Variants in MPG observed in about 807,000 individuals in gnomAD.
The protein encoded by MPG is DNA-3-methyladenine glycosylase.
Under a neutral mutation model 31.7 loss-of-function variants are expected in MPG, and 33 were observed. The observed-to-expected ratio is 1.04, with a 90% confidence interval of 0.79 to 1.39. MPG has a LOEUF of 1.39. Ranked by LOEUF, MPG falls within the 40% of genes most tolerant of loss-of-function variation. The pLI is 0.00. For synonymous variants in MPG, 202 were observed against 169.2 expected (o/e 1.19, Z -1.51); for missense variants, 455 against 415.5 (o/e 1.10, Z -0.83).
chr16:85,634 A>T lies in MPG; in HGVS notation c.739A>T (p.Ser247Cys). ...GCTGGAGCGTGGTCCCCTGGAGCCC[A>T]GTGAGCCGGCTGTAGTGGCAGCAGC... is the stretch of plus-strand genomic sequence containing the variant. ...VWLERGPLEP[S>C]EPAVVAAARV... The change falls in exon 4 of 4, where the codon AGT (serine) becomes TGT (cysteine). Residue 247 changes from serine (S) to cysteine (C), a missense_variant. Coordinates refer to ENST00000356432, the MANE Select transcript of MPG (RefSeq NM_001015052.3). The T allele has an allele frequency of 6.3e-7, 1 of 1,595,436 alleles. No homozygotes were observed. Among genetic ancestry groups the T allele is most frequent in the Non-Finnish European group, 8.6e-7 (1 of 1,166,634 alleles).
At chr16:83,452 C>T (rs781571124) in intron 3 of MPG, 196 bp downstream of exon 3, 45 of 556,588 alleles carry the variant, frequency 8.1e-5, no homozygotes, top group Middle Eastern at 3.8e-4. Flanking sequence ...TAGAAAGGGC[C>T]GGGTGGGGCC....
At chr16:80,786 G>A (rs1302529242) in intron 2 of MPG, among the ~76,000 whole-genome samples, 1 of 152,154 alleles carries the variant, frequency 6.6e-6, no homozygotes, top group African/African-American at 2.4e-5. Context: ...TCCGGCCTGG[G>A]CGACAGGGCG....
In MPG at chr16:78,349, G is replaced by T. The variant is rs1898148094; in HGVS notation, c.24+16G>T. Reference sequence around the variant, plus strand: ...CGGGGCCCAGGTGAGCGCGCGCCTCGGCCGCCCCGCGGAACAGACGCGCCC... The same window carrying T: ...CGGGGCCCAGGTGAGCGCGCGCCTCTGCCGCCCCGCGGAACAGACGCGCCC... On this transcript the variant is annotated intron_variant, in intron 1 of 3. Transcript: ENST00000356432. 8.1e-7 allele frequency: 1 copy of T among 1,237,228 alleles called. No homozygotes were observed. Among genetic ancestry groups the T allele is most frequent in the South Asian group, 3.1e-5 (1 of 32,600 alleles). The allele number at this position is 1,237,228 out of a possible 1,614,324, so 76.6% of individuals were successfully genotyped here.
upstream of MPG, among the ~76,000 whole-genome samples, chr16:77,628 T>C (rs2141880179): frequency 6.6e-6 from 1 of 152,320 alleles, no homozygotes; most frequent in Non-Finnish European, 1.5e-5. Context: ...GGGGCTCTGC[T>C]GCAGAGGCAG....
intron 2 of MPG, among the ~76,000 whole-genome samples, chr16:80,185 C>T (rs750554337): frequency 2.6e-5 from 4 of 152,246 alleles, no homozygotes; most frequent in Non-Finnish European, 5.9e-5. Context: ...AGGTCCCATC[C>T]TGGTGGGGCC....
chr16:79,634 T>C lies in MPG; in HGVS notation c.234T>C (p.Leu78=). ...SIYFSSPKGH[L]TRLGLEFFDQ... ...ATTTCTCAAGCCCAAAGGGCCACCT[T>C]ACCCGACTGGGGTTGGAGTTCTTCG... Residue 78 remains leucine (L), a synonymous_variant, in exon 2 of 4, where the codon CTT becomes CTC. Transcript: ENST00000356432. The C allele has an allele frequency of 6.3e-7, 1 of 1,583,472 alleles. No homozygotes were observed. The highest frequency in any genetic ancestry group is 8.6e-7 in the Non-Finnish European group (1 of 1,163,982).
Position 81,376 on chromosome 16 carries a change from G to C in MPG, c.300+1676G>C, listed in dbSNP as rs370769661. On this transcript the variant is annotated intron_variant, in intron 2 of 3. Coordinates refer to ENST00000356432, the MANE Select transcript of MPG (RefSeq NM_001015052.3). ...ACCTCCTCTCCAGAGTGGTAGTTGG[G>C]CCCCCCCAGTGTGCCCCCATGGAGG... Among the ~76,000 whole-genome samples, 4 of 152,218 alleles carry C rather than the reference G, an allele frequency of 2.6e-5. No homozygotes were observed. In the South Asian group the frequency reaches 6.2e-4, roughly 24 times the overall value.
chr16:80,980 G>A (rs755681682), intron 2 of MPG, among the ~76,000 whole-genome samples: 64 of 152,316 alleles, frequency 4.2e-4, no homozygotes, highest in African/African-American at 1.1e-3. Flanking sequence ...GCCCATTGGT[G>A]GACAAGATGA....
chr16:85,114 G>T (rs115744373), intron 3 of MPG, among the ~76,000 whole-genome samples: 3 of 152,370 alleles, frequency 2.0e-5, no homozygotes, highest in East Asian at 1.9e-4. Flanking sequence ...CGGCCACAGT[G>T]GGGGAGGCCC....
rs1016159433 is a variant in MPG at position 85,844 on chromosome 16, A to G, written c.*67A>G. The G allele has an allele frequency of 6.6e-5, 93 of 1,400,172 alleles. No homozygotes were observed. Among genetic ancestry groups the G allele is most frequent in the Non-Finnish European group, 7.0e-5 (75 of 1,074,380 alleles). 86.7% of individuals were successfully genotyped at this position (1,400,172 alleles called of 1,614,324 possible). Reference sequence around the variant, plus strand: ...ACCGAATAAATGTTTTATTTCTAGAAAACTGTGCCTTAGCCAGAGCTCCTC... The same window carrying G: ...ACCGAATAAATGTTTTATTTCTAGAGAACTGTGCCTTAGCCAGAGCTCCTC... On this transcript the variant is annotated 3_prime_UTR_variant, in exon 4 of 4. Coordinates refer to ENST00000356432, the MANE Select transcript of MPG (RefSeq NM_001015052.3).
chr16:79,251 T>A (rs1230645237), intron 1 of MPG, 174 bp from the exon 2 acceptor site: 2 of 1,553,104 alleles, frequency 1.3e-6, no homozygotes, highest in Non-Finnish European at 1.7e-6. Flanking sequence ...TCCTGAGGCC[T>A]CGAGTGTGTC....
At chr16:77,970 G>T (rs961730431), upstream of MPG, 5 of 209,406 alleles carry the variant, frequency 2.4e-5, no homozygotes, top group Non-Finnish European at 4.8e-5. Flanking sequence ...GGCGCAGGCG[G>T]GGGCGGACAG....
chr16:83,879 A>G (rs3176424), intron 3 of MPG, among the ~76,000 whole-genome samples: 6,520 of 152,282 alleles, frequency 0.043, 348 homozygotes, highest in African/African-American at 0.12. Flanking sequence ...GGATGACTGC[A>G]GTGCTAAGAG....
chr16:78,720 C>T lies in MPG; in HGVS notation c.24+387C>T, dbSNP rs545261164. ...GGGTGCTGCCAGGCCGGCGCTCACC[C>T]GCCACCTTCATCTTCCCTTCTCCTT... On this transcript the variant is annotated intron_variant, in intron 1 of 3. Transcript: ENST00000356432. Among the ~76,000 whole-genome samples the T allele has an allele frequency of 1.5e-3, 225 of 152,368 alleles. 2 individuals are homozygous for T. Among genetic ancestry groups the T allele is most frequent in the African/African-American group, 4.9e-3 (202 of 41,598 alleles).
In MPG at chr16:83,194, C is replaced by T. The variant is rs759049120; in HGVS notation, c.443C>T (p.Pro148Leu). 48 of 1,613,082 alleles carry T rather than the reference C, an allele frequency of 3.0e-5. No homozygotes were observed. Among genetic ancestry groups the T allele is most frequent in the South Asian group, 9.9e-5 (9 of 91,078 alleles). ...TPRNRGMFMK[P>L]GTLYVYIIYG... Reference sequence around the variant, plus strand: ...CGCAACCGAGGCATGTTCATGAAGCCGGGGACCCTGTACGTGTACATCATT... The same window carrying T: ...CGCAACCGAGGCATGTTCATGAAGCTGGGGACCCTGTACGTGTACATCATT... Residue 148 changes from proline to leucine, a missense_variant, in exon 3 of 4, where the codon CCG becomes CTG. Transcript: ENST00000356432.
chr16:79,044 C>T lies in MPG; in HGVS notation c.25-381C>T, dbSNP rs980851189. ...GGATGAAAGGGCAGGGCTCCAGAAA[C>T]CAGCTCAGACGTTTGCTTGGGACCT... On this transcript the variant is annotated intron_variant, in intron 1 of 3. Transcript: ENST00000356432. 2.8e-6 allele frequency: 4 copies of T among 1,428,656 alleles called. No homozygotes were observed. The African/African-American group carries it at 4.3e-5, about 15-fold the overall frequency. The allele number at this position is 1,428,656 out of a possible 1,614,324, so 88.5% of individuals were successfully genotyped here.
intron 3 of MPG, 143 bp from the exon 4 acceptor site, chr16:85,258 T>C (rs1596489469): frequency 7.3e-6 from 7 of 957,364 alleles, no homozygotes; most frequent in Non-Finnish European, 9.3e-6. Context: ...ACCCAGGAGA[T>C]GGTGCAGGTG....
At chr16:80,117 G>A (rs2141883458) in intron 2 of MPG, among the ~76,000 whole-genome samples, 1 of 152,390 alleles carries the variant, frequency 6.6e-6, no homozygotes, top group Admixed American at 6.5e-5. Context: ...GCAGCTTAAT[G>A]TAGGTCAAGG....
At chr16:83,330 G>A (rs1010637003) in intron 3 of MPG, 74 bp downstream of exon 3, 1 of 1,435,704 alleles carries the variant, frequency 7.0e-7, no homozygotes, top group Admixed American at 1.8e-5. Flanking sequence ...GGACCACTAG[G>A]AGGACTGAGG....
Sources: allele counts gnomAD v4.1 joint callset (sites outside exome capture counted in the v4.1 genomes callset), GRCh38; gene constraint gnomAD v4.1.1; transcripts MANE v1.5; gene names NCBI Gene and HGNC (gene_info 2026-07-23, HGNC 2026-07-21).